Variants in SLC34A2 observed in about 807,000 individuals in gnomAD.
SLC34A2 encodes sodium-dependent phosphate transport protein 2B.
Under a neutral mutation model 50.8 loss-of-function variants are expected in SLC34A2, and 41 were observed. That is an observed-to-expected ratio of 0.81 (90% CI 0.63 to 1.05). The LOEUF (loss-of-function observed/expected upper bound fraction) is 1.05. Ranked by LOEUF, SLC34A2 falls within the 50% of genes least tolerant of loss-of-function variation. The probability of loss-of-function intolerance (pLI) is 0.00; values close to 1 mark genes in which losing one functional copy is unlikely to be tolerated. For missense variants in SLC34A2, 879 were observed against 876.7 expected, an observed-to-expected ratio of 1.00 and a Z score of -0.03; for synonymous variants, 401 against 364.2, an observed-to-expected ratio of 1.10 and a Z score of -1.15.
intron 5 of SLC34A2, chr4:25,666,887 G>GATC (rs1714531063): frequency 1.3e-5 from 2 of 152,156 alleles, no homozygotes; most frequent in African/African-American, 4.8e-5. Context: ...AGTTTGAACT[G>GATC]ATTATTATTA....
At chr4:25,658,932 C>G (rs1202884207) in intron 1 of SLC34A2, among the ~76,000 whole-genome samples, 1 of 148,560 alleles carries the variant, frequency 6.7e-6, no homozygotes, top group East Asian at 2.0e-4. Flanking sequence ...CCCCACCACC[C>G]TCCCCTCCTG....
intron 10 of SLC34A2, among the ~76,000 whole-genome samples, chr4:25,673,794 C>A (rs532138687): frequency 6.6e-6 from 1 of 152,190 alleles, no homozygotes; most frequent in African/African-American, 2.4e-5. Flanking sequence ...ATTCGCCCCC[C>A]ACCCCAGATT....
chr4:25,663,794 A>G (rs1019452236), intron 3 of SLC34A2, among the ~76,000 whole-genome samples: 3 of 152,158 alleles, frequency 2.0e-5, no homozygotes, highest in Admixed American at 2.0e-4. Context: ...CATTCTAGAA[A>G]ATACTCTGTG....
chr4:25,660,687 A>G (rs1409175475), intron 1 of SLC34A2, among the ~76,000 whole-genome samples: 1 of 152,170 alleles, frequency 6.6e-6, no homozygotes, highest in Non-Finnish European at 1.5e-5. Flanking sequence ...CTGGAATTAC[A>G]GGTGCATGCC....
intron 8 of SLC34A2, 37 bp from the exon 9 acceptor site, chr4:25,671,564 G>A (rs1369928583): frequency 6.2e-7 from 1 of 1,611,794 alleles, no homozygotes; most frequent in Admixed American, 1.7e-5. Context: ...CCCACTAAAA[G>A]CCAGTGTTGT....
rs1715161422 is a variant in SLC34A2 at position 25,676,814 on chromosome 4, C to T, written c.*65C>T. ...GAGTTTTGCATGCTCTCCTCCCTCC[C>T]ACTTCTGCACCCTTTCACCACCTCG... On this transcript the variant is annotated 3_prime_UTR_variant, in exon 13 of 13. Coordinates refer to ENST00000382051, the MANE Select transcript of SLC34A2 (RefSeq NM_006424.3). 16 of 1,606,242 alleles carry T rather than the reference C, an allele frequency of 1.0e-5. No homozygotes were observed. The highest frequency in any genetic ancestry group is 1.3e-5 in the African/African-American group (1 of 74,766).
chr4:25,661,904 C>A (rs181198547), intron 1 of SLC34A2, among the ~76,000 whole-genome samples: 115 of 148,376 alleles, frequency 7.8e-4, no homozygotes, highest in African/African-American at 2.8e-3. Context: ...AGGAGTTTCA[C>A]TTTTGTCACC....
Position 25,676,799 on chromosome 4 carries a change from T to C in SLC34A2, c.*50T>C. 1 of 1,612,014 alleles carries C rather than the reference T, an allele frequency of 6.2e-7. No individual in the cohort carries two copies. The highest frequency in any genetic ancestry group is 8.5e-7 in the Non-Finnish European group (1 of 1,179,036). On this transcript the variant is annotated 3_prime_UTR_variant, in exon 13 of 13. Transcript: ENST00000382051. Reference sequence around the variant, plus strand: ...GGGGGGATGGTCCTTGAGTTTTGCATGCTCTCCTCCCTCCCACTTCTGCAC... The same window carrying C: ...GGGGGGATGGTCCTTGAGTTTTGCACGCTCTCCTCCCTCCCACTTCTGCAC...
chr4:25,674,757 G>T (rs549075661), intron 12 of SLC34A2, 128 bp downstream of exon 12: 9 of 1,234,150 alleles, frequency 7.3e-6, no homozygotes, highest in African/African-American at 6.0e-5. Context: ...ATGTGGAGGG[G>T]AAGCCACGGG....
rs1713851716 is a variant in SLC34A2, at chr4:25,655,875, T to G, written c.-19T>G. On this transcript the variant is annotated 5_prime_UTR_variant, in exon 1 of 13. Coordinates refer to ENST00000382051, the MANE Select transcript of SLC34A2 (RefSeq NM_006424.3). ...TGGCCGCCGCCTCCAGCCCAGCACC[T>G]GCGGAGGGAGCGCTGGTGAGTACCG... 1 of 152,256 alleles carries G rather than the reference T, an allele frequency of 6.6e-6. No individual in the cohort carries two copies. The highest frequency in any genetic ancestry group is 6.5e-5 in the Admixed American group (1 of 15,278). The allele number at this position is 152,256 out of a possible 1,614,324, so 9.4% of individuals were successfully genotyped here. A position where few individuals can be genotyped will look rare whatever the true frequency, so the allele number is the denominator to read the frequency against.
chr4:25,673,193 G>C lies in SLC34A2; in HGVS notation c.1155G>C (p.Lys385Asn). 2 of 1,614,106 alleles carry C rather than the reference G, an allele frequency of 1.2e-6. No homozygotes were observed. Among genetic ancestry groups the C allele is most frequent in the Non-Finnish European group, 1.7e-6 (2 of 1,180,020 alleles). ...GTGGTTGCCTGATCATGATTGTCAA[G>C]ATCCTGGGCTCTGTGCTCAAGGGGC... ...VLCGCLIMIV[K>N]ILGSVLKGQV... The change falls in exon 10 of 13, where the codon AAG becomes AAC. Residue 385 changes from lysine (K) to asparagine (N), a missense_variant. Lys to Asn is a moderately conservative substitution (Grantham distance 94). Coordinates refer to ENST00000382051, the MANE Select transcript of SLC34A2 (RefSeq NM_006424.3).
chr4:25,667,745 T>C (rs1714575328), intron 5 of SLC34A2, 135 bp from the exon 6 acceptor site: 1 of 686,722 alleles, frequency 1.5e-6, no homozygotes, highest in Non-Finnish European at 2.7e-6. Context: ...CAGAGTGAGG[T>C]GCAAAAAAAA....
chr4:25,672,071 A>G (rs1577501251), intron 9 of SLC34A2, among the ~76,000 whole-genome samples: 1 of 152,160 alleles, frequency 6.6e-6, no homozygotes, highest in South Asian at 2.1e-4. Flanking sequence ...TGGTGTCTCA[A>G]GGCTATAATC....
In SLC34A2 at chr4:25,676,838, C is replaced by G. The variant is rs16877426; in HGVS notation, c.*89C>G. 2.7e-5 allele frequency: 42 copies of G among 1,572,858 alleles called. No individual in the cohort carries two copies. Among genetic ancestry groups the G allele is most frequent in the African/African-American group, 2.7e-5 (2 of 74,176 alleles). On this transcript the variant is annotated 3_prime_UTR_variant, in exon 13 of 13. Coordinates refer to ENST00000382051, the MANE Select transcript of SLC34A2 (RefSeq NM_006424.3). ...CCACTTCTGCACCCTTTCACCACCT[C>G]GAGGAGATTTGCTCCCCATTAGCGA... is the stretch of plus-strand genomic sequence containing the variant.
At chr4:25,672,738 G>A (rs1230563412) in intron 9 of SLC34A2, among the ~76,000 whole-genome samples, 1 of 151,674 alleles carries the variant, frequency 6.6e-6, no homozygotes, top group African/African-American at 2.4e-5. Flanking sequence ...CTTGCCCATC[G>A]AATCCCTCAA....
At chr4:25,665,766 A>G (rs1022276180) in intron 4 of SLC34A2, among the ~76,000 whole-genome samples, 1 of 152,152 alleles carries the variant, frequency 6.6e-6, no homozygotes, top group Non-Finnish European at 1.5e-5. Flanking sequence ...TGGTCCCAGT[A>G]TGGAGTTGAG....
At position 25,675,805 on chromosome 4, in the gene SLC34A2, G is replaced by A. The variant is rs542748768; in HGVS notation, c.1459-330G>A. On this transcript the variant is annotated intron_variant, in intron 12 of 12. Transcript: ENST00000382051. ...CCTGGCCTCTGGAGCCAGGCTCCCA[G>A]GATGTGAATTTCCACCTCTTCCATC... 4.6e-5 allele frequency among the ~76,000 whole-genome samples: 7 copies of A among 152,326 alleles called. No individual in the cohort carries two copies. The South Asian group carries it at 1.5e-3, about 32-fold the overall frequency.
intron 6 of SLC34A2, among the ~76,000 whole-genome samples, chr4:25,668,290 T>G (rs2109054769): frequency 6.6e-6 from 1 of 152,302 alleles, no homozygotes; most frequent in East Asian, 1.9e-4. Context: ...GTTCACTAAA[T>G]AAATGCAAAC....
chr4:25,664,148 A>C (rs1202086226), intron 3 of SLC34A2, 54 bp from the exon 4 acceptor site: 3 of 1,598,346 alleles, frequency 1.9e-6, no homozygotes, highest in African/African-American at 2.7e-5. Flanking sequence ...CAGGGTTTCC[A>C]ACACTAAAAG....
Sources: gnomAD v4.1 joint callset for allele counts (sites outside exome capture counted in the v4.1 genomes callset) on GRCh38, gnomAD v4.1.1 for gene constraint, MANE v1.5 for transcripts, NCBI Gene and HGNC (gene_info 2026-07-23, HGNC 2026-07-21) for gene names.